Variants in FLCN observed in about 807,000 individuals in gnomAD.
The protein encoded by FLCN is BHD skin lesion fibrofolliculoma protein.
In FLCN, 22 loss-of-function variants were observed where a neutral mutation model predicts 62.5. The observed-to-expected ratio is 0.35, with a 90% CI of 0.25 to 0.50. The LOEUF is 0.50. Among genes scored for constraint, FLCN ranks in the 20% least tolerant of loss-of-function variants. FLCN has a pLI of 0.97. For synonymous variants in FLCN, 319 were observed against 310.0 expected (o/e 1.03, Z -0.30); for missense variants, 657 against 778.0 (o/e 0.84, Z 1.85).
intron 13 of FLCN, among the ~76,000 whole-genome samples, chr17:17,214,137 G>T (rs1298068220): frequency 1.4e-5 from 2 of 139,532 alleles, no homozygotes; most frequent in Non-Finnish European, 1.5e-5. Flanking sequence ...TTGTCAAGAC[G>T]CCAAGAAGAA....
rs763369657 is a variant in FLCN at position 17,227,927 on chromosome 17, A to G, written c.211T>C (p.Ser71Pro). Residue 71 changes from serine (S) to proline (P), a missense_variant, in exon 4 of 14, where the codon TCC becomes CCC. Physicochemically the swap from Ser to Pro is moderately conservative, Grantham distance 74. Transcript: ENST00000285071. The part of the protein sequence containing the change: ...HSPAEGASVE[S>P]SSPGPKKSDM... ...GACTTTTTGGGCCCCGGGCTGCTGG[A>G]CTCGACGCTGGCCCCCTCTGCGGGG... is the stretch of plus-strand genomic sequence containing the variant. 1 of 1,613,960 alleles carries G rather than the reference A, an allele frequency of 6.2e-7. No individual in the cohort carries two copies. The highest frequency in any genetic ancestry group is 8.5e-7 in the Non-Finnish European group (1 of 1,180,004).
At chr17:17,213,878 C>T (rs2046825196) in intron 13 of FLCN, 22 bp from the exon 14 acceptor site, 1 of 1,613,178 alleles carries the variant, frequency 6.2e-7, no homozygotes, top group Non-Finnish European at 8.5e-7. Context: ...CAAAACAAAA[C>T]ACTCAGACAC....
intron 13 of FLCN, 53 bp from the exon 14 acceptor site, chr17:17,213,909 C>T: frequency 6.2e-7 from 1 of 1,601,624 alleles, no homozygotes; most frequent in Non-Finnish European, 8.5e-7. Flanking sequence ...TCCCTCGAGC[C>T]CTGGTCACGG....
chr17:17,224,248 C>A, intron 5 of FLCN, 105 bp from the exon 6 acceptor site: 1 of 1,051,000 alleles, frequency 9.5e-7, no homozygotes, highest in Non-Finnish European at 1.4e-6. Flanking sequence ...AATCAGCCAG[C>A]GTTAATAACG....
At chr17:17,236,270 G>A (rs1371956728) in intron 1 of FLCN, among the ~76,000 whole-genome samples, 2 of 152,162 alleles carry the variant, frequency 1.3e-5, no homozygotes, top group African/African-American at 2.4e-5. Flanking sequence ...CCGTTTCCCT[G>A]GATTTCCATT....
At chr17:17,233,769 G>C (rs923717855) in intron 1 of FLCN, among the ~76,000 whole-genome samples, 3 of 132,754 alleles carry the variant, frequency 2.3e-5, no homozygotes, top group African/African-American at 8.7e-5. Flanking sequence ...TGTCACCCAG[G>C]CTGGAGTGCA....
At position 17,217,589 on chromosome 17, in the gene FLCN, G is replaced by C. The variant is rs2046965598; in HGVS notation, c.1063-407C>G. On this transcript the variant is annotated intron_variant, in intron 9 of 13. Coordinates refer to ENST00000285071, the MANE Select transcript of FLCN (RefSeq NM_144997.7). ...CTCCACAGCTGAGACCATGACTGCA[G>C]CCAGGAGTGCCTGGACGGACGCATC... is the stretch of plus-strand genomic sequence containing the variant. 3 of 332,986 alleles carry C rather than the reference G, an allele frequency of 9.0e-6. No individual in the cohort carries two copies. In the Admixed American group the frequency reaches 1.3e-4, roughly 14 times the overall value. The allele number at this position is 332,986 out of a possible 1,614,324, so 20.6% of individuals were successfully genotyped here.
chr17:17,222,426 T>A (rs1567817199), intron 7 of FLCN, 75 bp downstream of exon 7: 20 of 1,603,104 alleles, frequency 1.2e-5, no homozygotes, highest in Non-Finnish European at 1.7e-5. Context: ...TTCTCCCAAA[T>A]CCATGGACAA....
At chr17:17,215,136 G>A (rs780803024) in intron 12 of FLCN, 46 bp from the exon 13 acceptor site, 2 of 1,614,036 alleles carry the variant, frequency 1.2e-6, no homozygotes, top group South Asian at 1.1e-5. Flanking sequence ...GTTAGCGCGG[G>A]GCGGGGGCAT....
chr17:17,234,211 TTGG>T (rs79690297), intron 1 of FLCN, among the ~76,000 whole-genome samples: 3 of 143,366 alleles, frequency 2.1e-5, no homozygotes, highest in African/African-American at 8.3e-5. Context: ...TTGTTTTTTT[TTGG>T]TTTGTTTTTT....
At position 17,216,984 on chromosome 17, in the gene FLCN, C is replaced by T. The variant is rs2046944579; in HGVS notation, c.1176+85G>A. The T allele has an allele frequency of 9.1e-6, 9 of 987,544 alleles. No homozygotes were observed. Among genetic ancestry groups the T allele is most frequent in the South Asian group, 4.0e-5 (3 of 75,540 alleles). The allele number at this position is 987,544 out of a possible 1,614,324, so 61.2% of individuals were successfully genotyped here. ...GCACAGCGGTTCTGTGCTGGGCAGT[C>T]GGTGCACCTTGGCATCCCCACCTGA... On this transcript the variant is annotated intron_variant, in intron 10 of 13. Transcript: ENST00000285071. The surrounding 1 kb of genome is among the most constrained non-coding windows in gnomAD (Gnocchi z 4.0).
chr17:17,218,412 G>A (rs2046987787), intron 9 of FLCN, among the ~76,000 whole-genome samples: 1 of 137,926 alleles, frequency 7.3e-6, no homozygotes, highest in Non-Finnish European at 1.5e-5. Flanking sequence ...TTGAGATGGA[G>A]TCTCGCTCTG....
In FLCN at chr17:17,219,070, G is replaced by C. The variant is rs1567812706; in HGVS notation, c.1011C>G (p.Ser337Arg). The C allele has an allele frequency of 6.2e-7, 1 of 1,613,974 alleles. No individual in the cohort carries two copies. The highest frequency in any genetic ancestry group is 2.2e-5 in the East Asian group (1 of 44,872). The change falls in exon 9 of 14, where the codon AGC becomes AGG. Residue 337 changes from serine (S) to arginine (R), a missense_variant. Coordinates refer to ENST00000285071, the MANE Select transcript of FLCN (RefSeq NM_144997.7). ...AESSSLSGCG[S>R]WQPRKLPVFK... ...AGACTGGCAGCTTCCGGGGCTGCCA[G>C]CTCCCACAGCCTGAGAGAGAGGAGG... is the stretch of plus-strand genomic sequence containing the variant.
At chr17:17,227,358 G>A (rs1358569229) in intron 4 of FLCN, among the ~76,000 whole-genome samples, 1 of 151,996 alleles carries the variant, frequency 6.6e-6, no homozygotes, top group Non-Finnish European at 1.5e-5. Context: ...CCGCCTCCAG[G>A]ACAGGCTGGA....
chr17:17,219,084 A>G lies in FLCN; in HGVS notation c.997T>C (p.Ser333Pro), dbSNP rs1470514558. ...CGGGGCTGCCAGCTCCCACAGCCTGAGAGAGAGGAGGACTCTGCCGGGCCC... is the reference window on the plus strand; with the variant it reads ...CGGGGCTGCCAGCTCCCACAGCCTGGGAGAGAGGAGGACTCTGCCGGGCCC... Reference protein sequence around the residue: ...TQGPAESSSLSGCGSWQPRKL... With the variant: ...TQGPAESSSLPGCGSWQPRKL... The change falls in exon 9 of 14, where the codon TCA becomes CCA. Residue 333 changes from serine to proline, a missense_variant. Physicochemically the swap from Ser to Pro is moderately conservative, Grantham distance 74. Transcript: ENST00000285071. 18 of 1,614,020 alleles carry G rather than the reference A, an allele frequency of 1.1e-5. No homozygotes were observed. In the South Asian group the frequency reaches 2.0e-4, roughly 18 times the overall value.
At chr17:17,224,572 G>A (rs1016835288) in intron 5 of FLCN, 1 of 315,588 alleles carries the variant, frequency 3.2e-6, no homozygotes, top group African/African-American at 2.2e-5. Flanking sequence ...TCTCGCTCTT[G>A]TCACCCAGGC....
Position 17,213,548 on chromosome 17 carries a change from A to ATC in FLCN, c.*106_*107insGA, listed in dbSNP as rs2046811890. The ATC allele has an allele frequency of 6.8e-7, 1 of 1,476,706 alleles. No individual in the cohort carries two copies. Among genetic ancestry groups the ATC allele is most frequent in the East Asian group, 2.3e-5 (1 of 43,890 alleles). The allele number at this position is 1,476,706 out of a possible 1,614,324, so 91.5% of individuals were successfully genotyped here. ...CTGATGGTTTCCCTTCCTTGCTGGGACACAGCTCCTTCCAGCAGTTGAGAA... is the reference window on the plus strand; with the variant it reads ...CTGATGGTTTCCCTTCCTTGCTGGGATCCACAGCTCCTTCCAGCAGTTGAGAA... On this transcript the variant is annotated 3_prime_UTR_variant, in exon 14 of 14. Transcript: ENST00000285071.
At chr17:17,214,963 C>A (rs772863587) in intron 13 of FLCN, 22 bp downstream of exon 13, 2 of 1,609,140 alleles carry the variant, frequency 1.2e-6, no homozygotes, top group Admixed American at 1.7e-5. Flanking sequence ...AGCAAAGGGG[C>A]CTCACCCACA....
rs1267068373 is a variant in FLCN at position 17,226,214 on chromosome 17, T to C, written c.358A>G (p.Ile120Val). The C allele has an allele frequency of 6.2e-7, 1 of 1,614,048 alleles. No individual in the cohort carries two copies. The highest frequency in any genetic ancestry group is 1.1e-5 in the South Asian group (1 of 91,076). Residue 120 changes from isoleucine (I) to valine (V), a missense_variant, in exon 5 of 14, where the codon ATT (isoleucine) becomes GTT (valine). Ile to Val is a conservative substitution (Grantham distance 29). Transcript: ENST00000285071. ...QHPSHPQLFS[I>V]VRQACVRSLS... ...CTCCGGACACAGGCCTGGCGGACAA[T>C]GCTGAAGAGCTGGGGGTGGCTGGGG... is the stretch of plus-strand genomic sequence containing the variant.
Sources: allele counts gnomAD v4.1 joint callset (sites outside exome capture counted in the v4.1 genomes callset), GRCh38; gene constraint gnomAD v4.1.1; non-coding constraint Gnocchi (gnomAD v3.1); transcripts MANE v1.5; gene names NCBI Gene and HGNC (gene_info 2026-07-23, HGNC 2026-07-21).